Variants in LARP4B observed in about 807,000 individuals in gnomAD.
LARP4B encodes the protein la-related protein 4B.
Under a neutral mutation model 89.8 loss-of-function variants are expected in LARP4B, and 12 were observed. That is an observed-to-expected ratio of 0.13 (90% CI 0.09 to 0.22). The LOEUF (loss-of-function observed/expected upper bound fraction) is 0.22. Ranked by LOEUF, LARP4B falls within the 10% of genes least tolerant of loss-of-function variation. The probability of loss-of-function intolerance (pLI) is 1.00; values close to 1 mark genes in which losing one functional copy is unlikely to be tolerated. For missense variants in LARP4B, 757 were observed against 947.7 expected (o/e 0.80, Z 2.64); for synonymous variants, 367 against 363.3 (o/e 1.01, Z -0.12).
At chr10:860,109 GCCAT>G (rs1213877658) in intron 5 of LARP4B, among the ~76,000 whole-genome samples, 1 of 89,772 alleles carries the variant, frequency 1.1e-5, no homozygotes, top group Non-Finnish European at 2.1e-5. Flanking sequence ...AGTGAAGAAG[GCCAT>G]GCATGTGTGG....
chr10:918,939 G>C (rs1421122039), intron 1 of LARP4B, among the ~76,000 whole-genome samples: 1 of 151,960 alleles, frequency 6.6e-6, no homozygotes, highest in Admixed American at 6.6e-5. Flanking sequence ...AAATTAGCTG[G>C]GCGTGGTGGC....
intron 1 of LARP4B, among the ~76,000 whole-genome samples, chr10:909,293 CAAAAAAAA>C (rs56787174): frequency 1.2e-5 from 1 of 80,868 alleles, no homozygotes; most frequent in Non-Finnish European, 2.3e-5. Context: ...GACTCCGTCT[CAAAAAAAA>C]AAAAAAAAAA....
intron 1 of LARP4B, among the ~76,000 whole-genome samples, chr10:892,038 G>A (rs1219716965): frequency 6.6e-6 from 1 of 152,202 alleles, no homozygotes; most frequent in East Asian, 1.9e-4. Flanking sequence ...TGGCCTAAAA[G>A]CAGATCTCTA....
chr10:844,410 G>A (rs1833676069), intron 6 of LARP4B, among the ~76,000 whole-genome samples: 1 of 152,198 alleles, frequency 6.6e-6, no homozygotes, highest in South Asian at 2.1e-4. Flanking sequence ...AGACACCTGT[G>A]TGGAATCCTC....
intron 3 of LARP4B, among the ~76,000 whole-genome samples, chr10:876,113 C>T (rs902600258): frequency 1.8e-4 from 28 of 152,138 alleles, no homozygotes; most frequent in South Asian, 1.4e-3. Context: ...CGACCAGGTG[C>T]GATGGCTCAC....
At chr10:824,986 A>G in intron 13 of LARP4B, 79 bp downstream of exon 13, 2 of 1,358,682 alleles carry the variant, frequency 1.5e-6, no homozygotes, top group Admixed American at 2.7e-5. Context: ...ATTTAAAGAC[A>G]ATTACAAAAC....
At chr10:936,541 G>A (rs1223103074), upstream of LARP4B, among the ~76,000 whole-genome samples, 1 of 152,098 alleles carries the variant, frequency 6.6e-6, no homozygotes, top group East Asian at 1.9e-4. Context: ...CCAACATGGT[G>A]AAACACCTGT....
the LARP4B span, among the ~76,000 whole-genome samples, chr10:969,950 C>T: frequency 2.7e-4 from 41 of 152,174 alleles, no homozygotes; most frequent in Non-Finnish European, 4.3e-4. Flanking sequence ...GGCAAGGGAC[C>T]GTAAGCATTT....
chr10:952,361 AAAGG>A, the LARP4B span, among the ~76,000 whole-genome samples: 1 of 150,058 alleles, frequency 6.7e-6, no homozygotes, highest in Non-Finnish European at 1.5e-5. Flanking sequence ...AAAAAAAAAA[AAAGG>A]AAGAAATCGC....
chr10:851,637 G>A (rs1834055753), intron 5 of LARP4B, among the ~76,000 whole-genome samples: 1 of 152,166 alleles, frequency 6.6e-6, no homozygotes, highest in Admixed American at 6.5e-5. Flanking sequence ...GAACAACTCT[G>A]TGCTGTAAAT....
At chr10:892,494 AAC>A (rs1279106730) in intron 1 of LARP4B, among the ~76,000 whole-genome samples, 1 of 152,162 alleles carries the variant, frequency 6.6e-6, no homozygotes, top group Non-Finnish European at 1.5e-5. Context: ...TCAAATAAAC[AAC>A]TATATGTCAG....
the LARP4B span, among the ~76,000 whole-genome samples, chr10:969,651 A>AC: frequency 6.6e-6 from 1 of 152,170 alleles, no homozygotes; most frequent in Non-Finnish European, 1.5e-5. Context: ...AATTGCTTGA[A>AC]CCAGGAGGCA....
At chr10:965,387 C>T in the LARP4B span, among the ~76,000 whole-genome samples, 2 of 152,156 alleles carry the variant, frequency 1.3e-5, no homozygotes, top group Non-Finnish European at 2.9e-5. Context: ...CCCTCATTTC[C>T]CCACCTCTGT....
intron 5 of LARP4B, among the ~76,000 whole-genome samples, chr10:854,708 T>C (rs1049554634): frequency 2.0e-5 from 3 of 152,164 alleles, no homozygotes; most frequent in African/African-American, 7.2e-5. Flanking sequence ...AAATTTAGCA[T>C]CATTCTTATG....
chr10:862,335 T>G (rs1347645202), intron 5 of LARP4B, among the ~76,000 whole-genome samples: 2 of 151,356 alleles, frequency 1.3e-5, no homozygotes, highest in Non-Finnish European at 2.9e-5. Context: ...GTTTCTGACT[T>G]TGACAGTCTT....
At chr10:932,345 C>A (rs1167045157), upstream of LARP4B, among the ~76,000 whole-genome samples, 10 of 145,784 alleles carry the variant, frequency 6.9e-5, no homozygotes, top group East Asian at 2.1e-4. Flanking sequence ...GGCCCTGCCC[C>A]GAACTCCCAC....
At chr10:821,652 T>C (rs183132386) in intron 13 of LARP4B, among the ~76,000 whole-genome samples, 57 of 152,368 alleles carry the variant, frequency 3.7e-4, no homozygotes, top group African/African-American at 1.3e-3. Context: ...TTACATAACC[T>C]GGAAAGGAGT....
chr10:987,782 T>G, the LARP4B span: 2 of 152,452 alleles, frequency 1.3e-5, no homozygotes, highest in South Asian at 4.1e-4. Flanking sequence ...AACTGTTCCC[T>G]GGGCTCTCCT....
At chr10:881,414 C>A (rs1467751431) in intron 3 of LARP4B, among the ~76,000 whole-genome samples, 1 of 152,200 alleles carries the variant, frequency 6.6e-6, no homozygotes, top group Non-Finnish European at 1.5e-5. Flanking sequence ...GCTAAGGTCA[C>A]AACTGACCCC....
Sources: gnomAD v4.1 joint callset for allele counts (sites outside exome capture counted in the v4.1 genomes callset) on GRCh38, gnomAD v4.1.1 for gene constraint, MANE v1.5 for transcripts, NCBI Gene and HGNC (gene_info 2026-07-23, HGNC 2026-07-21) for gene names.